Variants in AGBL1 observed in about 807,000 individuals in gnomAD.
AGBL1 encodes AGBL carboxypeptidase 1.
AGBL1 carries 130 observed loss-of-function variants against 118.9 expected under a neutral mutation model. The observed-to-expected ratio is 1.09, with a 90% confidence interval of 0.95 to 1.26. AGBL1 has a LOEUF of 1.26. Among genes scored for constraint, AGBL1 ranks in the 50% most tolerant of loss-of-function variants. The pLI is 0.00. For missense variants in AGBL1, 1,584 were observed against 1,298.1 expected (o/e 1.22, Z -3.38); for synonymous variants, 555 against 478.9 (o/e 1.16, Z -2.08).
At chr15:86,904,636 T>C (rs1198601044) in intron 22 of AGBL1, among the ~76,000 whole-genome samples, 10 of 148,276 alleles carry the variant, frequency 6.7e-5, no homozygotes, top group African/African-American at 2.5e-4. Flanking sequence ...TATTTTGTTA[T>C]GTATAATAAA....
chr15:86,335,352 A>G (rs746476344), intron 17 of AGBL1, among the ~76,000 whole-genome samples: 8 of 151,984 alleles, frequency 5.3e-5, no homozygotes, highest in African/African-American at 9.7e-5. Context: ...GTTGGCCAGG[A>G]TGGTCTCGAT....
intron 9 of AGBL1, among the ~76,000 whole-genome samples, chr15:86,262,053 C>T: frequency 9.4e-6 from 1 of 106,670 alleles, no homozygotes; most frequent in Non-Finnish European, 2.0e-5. Flanking sequence ...GCTAATAATT[C>T]ACTGCTAGGC....
chr15:86,501,368 A>G (rs1596195293), intron 18 of AGBL1, among the ~76,000 whole-genome samples: 1 of 151,764 alleles, frequency 6.6e-6, no homozygotes, highest in African/African-American at 2.4e-5. Context: ...ATTATTGAGT[A>G]TAAGAAAATA....
chr15:86,742,840 T>C (rs1242015091), intron 22 of AGBL1, among the ~76,000 whole-genome samples: 3 of 152,186 alleles, frequency 2.0e-5, no homozygotes, highest in Non-Finnish European at 4.4e-5. Context: ...CTAAATTAAA[T>C]TCTGCATTGG....
chr15:86,376,375 C>T (rs190197217), intron 17 of AGBL1, among the ~76,000 whole-genome samples: 183 of 152,290 alleles, frequency 1.2e-3, no homozygotes, highest in African/African-American at 4.2e-3. Flanking sequence ...GCACATCTCA[C>T]TGAAAGTTAT....
chr15:86,575,003 A>G (rs1202466154), intron 21 of AGBL1, among the ~76,000 whole-genome samples: 1 of 151,300 alleles, frequency 6.6e-6, no homozygotes, highest in African/African-American at 2.4e-5. Flanking sequence ...AGCCTAACCA[A>G]TATGGTGAAA....
At chr15:86,693,871 T>G (rs1338836991) in intron 22 of AGBL1, among the ~76,000 whole-genome samples, 1 of 152,104 alleles carries the variant, frequency 6.6e-6, no homozygotes, top group African/African-American at 2.4e-5. Flanking sequence ...CCACTTTATG[T>G]TTTTATTTGC....
At chr15:86,488,835 A>G (rs2082743007) in intron 18 of AGBL1, among the ~76,000 whole-genome samples, 1 of 152,090 alleles carries the variant, frequency 6.6e-6, no homozygotes, top group Non-Finnish European at 1.5e-5. Context: ...CCTTTGCAGA[A>G]GGAATTTCCC....
At position 86,306,385 on chromosome 15, in the gene AGBL1, A is replaced by T. The variant is rs898361207; in HGVS notation, c.2374+10977A>T. On this transcript the variant is annotated intron_variant, in intron 17 of 22. Transcript: ENST00000614907. ...TGAGTTCAATTGATTCGATTTTTAG[A>T]TCCCACAATTAAGTGAGAACATGCA... Among the ~76,000 whole-genome samples the T allele has an allele frequency of 3.9e-5, 6 of 151,988 alleles. No individual in the cohort carries two copies. The East Asian group carries it at 7.7e-4, about 20-fold the overall frequency.
At chr15:86,877,301 G>A (rs1409192193) in intron 22 of AGBL1, among the ~76,000 whole-genome samples, 1 of 152,090 alleles carries the variant, frequency 6.6e-6, no homozygotes, top group East Asian at 1.9e-4. Context: ...TATGACAGGT[G>A]CCCAGCCCTG....
intron 17 of AGBL1, among the ~76,000 whole-genome samples, chr15:86,392,621 T>C (rs2081305087): frequency 6.6e-6 from 1 of 152,212 alleles, no homozygotes; most frequent in East Asian, 1.9e-4. Flanking sequence ...TACACATGTT[T>C]ATCATCACAC....
chr15:86,313,258 C>T (rs2079947552), intron 17 of AGBL1, among the ~76,000 whole-genome samples: 2 of 152,116 alleles, frequency 1.3e-5, no homozygotes, highest in South Asian at 4.2e-4. Context: ...AAGTGACTAT[C>T]TTCTTTGTTT....
intron 21 of AGBL1, among the ~76,000 whole-genome samples, chr15:86,562,776 A>G (rs995971902): frequency 9.2e-5 from 14 of 152,048 alleles, no homozygotes; most frequent in Non-Finnish European, 2.1e-4. Flanking sequence ...CTGGTCCTGG[A>G]CTTTTTTTGG....
chr15:86,845,211 A>G (rs1303119306), intron 22 of AGBL1, among the ~76,000 whole-genome samples: 1 of 152,160 alleles, frequency 6.6e-6, no homozygotes, highest in Non-Finnish European at 1.5e-5. Context: ...ATTATGATAT[A>G]TATCACTTCG....
intron 5 of AGBL1, among the ~76,000 whole-genome samples, chr15:86,188,055 A>T (rs527693558): frequency 1.3e-5 from 2 of 152,246 alleles, no homozygotes; most frequent in Non-Finnish European, 2.9e-5. Flanking sequence ...AATGATACCA[A>T]TGCTTAATAG....
chr15:86,868,946 C>T (rs1293475112), intron 22 of AGBL1, among the ~76,000 whole-genome samples: 1 of 152,204 alleles, frequency 6.6e-6, no homozygotes, highest in African/African-American at 2.4e-5. Flanking sequence ...GTGGCACGTC[C>T]ACCTTGGCTT....
At chr15:86,758,126 T>C (rs966002694) in intron 22 of AGBL1, among the ~76,000 whole-genome samples, 2 of 152,058 alleles carry the variant, frequency 1.3e-5, no homozygotes, top group African/African-American at 4.8e-5. Context: ...CTGGAAACTA[T>C]ACTATAGCAT....
intron 22 of AGBL1, among the ~76,000 whole-genome samples, chr15:86,819,616 C>T (rs1372719706): frequency 6.6e-6 from 1 of 152,064 alleles, no homozygotes; most frequent in African/African-American, 2.4e-5. Flanking sequence ...AGGAGAACTA[C>T]AAACCACTGC....
At chr15:86,678,897 A>G (rs1316096324) in intron 22 of AGBL1, among the ~76,000 whole-genome samples, 1 of 152,076 alleles carries the variant, frequency 6.6e-6, no homozygotes, top group African/African-American at 2.4e-5. Context: ...TATATAGTAT[A>G]TACACATGCA....
Sources: allele counts gnomAD v4.1 joint callset (sites outside exome capture counted in the v4.1 genomes callset), GRCh38; gene constraint gnomAD v4.1.1; transcripts MANE v1.5; gene names NCBI Gene and HGNC (gene_info 2026-07-23, HGNC 2026-07-21).